BRINP3: variants seen among roughly 807,000 people sequenced by gnomAD.
BRINP3 encodes BMP/retinoic acid-inducible neural-specific protein 3.
Under a neutral mutation model 71.0 loss-of-function variants are expected in BRINP3, and 19 were observed. That is an observed-to-expected ratio of 0.27 (90% CI 0.19 to 0.39). The LOEUF is 0.39. BRINP3 is among the 10% of genes least tolerant of loss of function. The probability of loss-of-function intolerance (pLI) is 1.00; values close to 1 mark genes in which losing one functional copy is unlikely to be tolerated. For missense variants in BRINP3, 959 were observed against 940.8 expected (o/e 1.02, Z -0.25); for synonymous variants, 380 against 337.7 (o/e 1.13, Z -1.37).
chr1:190,391,836 C>T (rs562545740), intron 2 of BRINP3, among the ~76,000 whole-genome samples: 1 of 151,800 alleles, frequency 6.6e-6, no homozygotes, highest in Admixed American at 6.6e-5. Flanking sequence ...CTCAATTCTT[C>T]CAGCATTAAA....
intron 2 of BRINP3, among the ~76,000 whole-genome samples, chr1:190,329,645 C>A (rs1571764430): frequency 6.6e-6 from 1 of 151,930 alleles, no homozygotes; most frequent in South Asian, 2.1e-4. Flanking sequence ...ATTATGAAAT[C>A]TATTCCAAAA....
chr1:190,424,254 A>G (rs1253522816), intron 2 of BRINP3, among the ~76,000 whole-genome samples: 1 of 151,672 alleles, frequency 6.6e-6, no homozygotes, highest in African/African-American at 2.4e-5. Context: ...GTTGTTATAT[A>G]GTCAAATTAT....
chr1:190,316,732 T>C (rs1482075918), intron 2 of BRINP3, among the ~76,000 whole-genome samples: 1 of 152,106 alleles, frequency 6.6e-6, no homozygotes, highest in Admixed American at 6.6e-5. Flanking sequence ...ATAATATTCA[T>C]GCTGAATCTA....
In BRINP3 at chr1:190,098,638, T is replaced by C. The variant is rs779877749; in HGVS notation, c.1681A>G (p.Lys561Glu). 6.8e-5 allele frequency: 109 copies of C among 1,614,062 alleles called. No homozygotes were observed. The highest frequency in any genetic ancestry group is 8.6e-5 in the Non-Finnish European group (102 of 1,180,036). ...LGLSLQICLT[K>E]NSTLEPVLAV... Reference sequence around the variant, plus strand: ...AACACTGGCTCCAAGGTGCTGTTTTTAGTTAAGCAAATCTGTAAAGAGAGA... The same window carrying C: ...AACACTGGCTCCAAGGTGCTGTTTTCAGTTAAGCAAATCTGTAAAGAGAGA... The change falls in exon 8 of 8, where the codon AAA (lysine) becomes GAA (glutamate). Residue 561 changes from lysine (K) to glutamate (E), a missense_variant. Coordinates refer to ENST00000367462, the MANE Select transcript of BRINP3 (RefSeq NM_199051.3).
At chr1:190,367,708 A>G (rs1373291461) in intron 2 of BRINP3, among the ~76,000 whole-genome samples, 1 of 152,130 alleles carries the variant, frequency 6.6e-6, no homozygotes, top group Admixed American at 6.5e-5. Context: ...CTCTAGTTCA[A>G]AGTTCCACAG....
intron 2 of BRINP3, among the ~76,000 whole-genome samples, chr1:190,404,149 G>C (rs1672114721): frequency 6.6e-6 from 1 of 151,958 alleles, no homozygotes; most frequent in Non-Finnish European, 1.5e-5. Context: ...TCAAATCACT[G>C]GTTATTTTGC....
intron 2 of BRINP3, among the ~76,000 whole-genome samples, chr1:190,370,050 C>T (rs1001658306): frequency 6.6e-6 from 1 of 152,036 alleles, no homozygotes; most frequent in East Asian, 1.9e-4. Flanking sequence ...CACACTTTGA[C>T]CATCTCAGTG....
At chr1:190,300,073 T>C (rs1664562200) in intron 2 of BRINP3, among the ~76,000 whole-genome samples, 1 of 152,070 alleles carries the variant, frequency 6.6e-6, no homozygotes, top group South Asian at 2.1e-4. Flanking sequence ...GTTCTCTGTA[T>C]TTCCTGAATC....
At chr1:190,228,218 T>A (rs988001738) in intron 5 of BRINP3, among the ~76,000 whole-genome samples, 2 of 151,974 alleles carry the variant, frequency 1.3e-5, no homozygotes, top group African/African-American at 4.8e-5. Context: ...TAGTGATTTT[T>A]TTTTTTCTGA....
At chr1:190,422,679 G>A (rs1439543069) in intron 2 of BRINP3, among the ~76,000 whole-genome samples, 1 of 151,786 alleles carries the variant, frequency 6.6e-6, no homozygotes, top group Non-Finnish European at 1.5e-5. Context: ...CCACTTTCCA[G>A]AAAAAGAGAG....
At chr1:190,361,768 G>T (rs1221804151) in intron 2 of BRINP3, among the ~76,000 whole-genome samples, 1 of 152,024 alleles carries the variant, frequency 6.6e-6, no homozygotes, top group African/African-American at 2.4e-5. Context: ...CTTCCATTAG[G>T]CATATTATGT....
chr1:190,318,155 A>C (rs1666012046), intron 2 of BRINP3, among the ~76,000 whole-genome samples: 1 of 152,058 alleles, frequency 6.6e-6, no homozygotes, highest in East Asian at 1.9e-4. Flanking sequence ...AGTAGCCCAA[A>C]CTACCTTACA....
At chr1:190,220,285 C>G (rs1278240682) in intron 6 of BRINP3, among the ~76,000 whole-genome samples, 1 of 152,014 alleles carries the variant, frequency 6.6e-6, no homozygotes, top group African/African-American at 2.4e-5. Flanking sequence ...AGCTAACTAT[C>G]GTAAGATCAG....
intron 6 of BRINP3, among the ~76,000 whole-genome samples, chr1:190,164,954 G>T (rs1553252519): frequency 2.6e-5 from 4 of 151,674 alleles, no homozygotes; most frequent in Non-Finnish European, 5.9e-5. Flanking sequence ...TTATGTATGT[G>T]TTTTTTTAAA....
At chr1:190,135,060 G>T (rs1654855758) in intron 7 of BRINP3, among the ~76,000 whole-genome samples, 3 of 152,044 alleles carry the variant, frequency 2.0e-5, no homozygotes, top group Admixed American at 2.0e-4. Flanking sequence ...CCAATGCCTG[G>T]CTTGATAAGA....
intron 6 of BRINP3, among the ~76,000 whole-genome samples, chr1:190,191,303 A>T (rs1480488739): frequency 1.3e-5 from 2 of 152,100 alleles, no homozygotes; most frequent in African/African-American, 4.8e-5. Flanking sequence ...TCTAAAGGAA[A>T]AAAATGGATA....
intron 2 of BRINP3, among the ~76,000 whole-genome samples, chr1:190,379,142 T>C (rs543605544): frequency 6.6e-6 from 1 of 152,272 alleles, no homozygotes; most frequent in South Asian, 2.1e-4. Context: ...GATGGAAATG[T>C]ACAGAGCCAC....
intron 4 of BRINP3, among the ~76,000 whole-genome samples, chr1:190,240,984 G>T (rs1452827610): frequency 2.1e-5 from 3 of 143,690 alleles, no homozygotes; most frequent in Non-Finnish European, 3.0e-5. Flanking sequence ...GTTTTATTAT[G>T]CCCATCATAA....
At chr1:190,136,840 A>G (rs1557998704) in intron 7 of BRINP3, among the ~76,000 whole-genome samples, 1 of 152,072 alleles carries the variant, frequency 6.6e-6, no homozygotes, top group African/African-American at 2.4e-5. Flanking sequence ...ATGGTTGCCA[A>G]TTATTGAGCA....
Sources: gnomAD v4.1 joint callset for allele counts (sites outside exome capture counted in the v4.1 genomes callset) on GRCh38, gnomAD v4.1.1 for gene constraint, MANE v1.5 for transcripts, NCBI Gene and HGNC (gene_info 2026-07-23, HGNC 2026-07-21) for gene names.